Variants in RMP64 observed in about 807,000 individuals in gnomAD.
RMP64 encodes the protein ribonuclease MRP subunit p64.
At chr3:113,017,671 C>G in the RMP64 span, 2 of 1,340,252 alleles carry the variant, frequency 1.5e-6, no homozygotes, top group African/African-American at 3.0e-5. Context: ...TAAAAACACA[C>G]TAAAAAAAGC....
chr3:113,006,677 G>T, the RMP64 span, among the ~76,000 whole-genome samples: 1 of 152,100 alleles, frequency 6.6e-6, no homozygotes, highest in Non-Finnish European at 1.5e-5. Flanking sequence ...TTTAAAAGAC[G>T]GGCATGGATA....
the RMP64 span, chr3:113,014,758 G>A: frequency 4.6e-5 from 7 of 151,906 alleles, no homozygotes; most frequent in African/African-American, 1.5e-4. Flanking sequence ...AAAACGATTG[G>A]CTTTAATCAC....
the RMP64 span, chr3:113,005,207 A>C: frequency 3.3e-6 from 1 of 302,852 alleles, no homozygotes; most frequent in African/African-American, 2.1e-5. Flanking sequence ...AACGATTATT[A>C]AATTGCCTAG....
the RMP64 span, chr3:113,003,046 A>AT: frequency 1.3e-5 from 2 of 152,372 alleles, no homozygotes; most frequent in Non-Finnish European, 2.9e-5. Flanking sequence ...GTGTGTCCTA[A>AT]TGCCATCAGA....
At chr3:113,009,678 C>A in the RMP64 span, 1 of 152,218 alleles carries the variant, frequency 6.6e-6, no homozygotes, top group Non-Finnish European at 1.5e-5. Context: ...CTGGCAGTTT[C>A]TTGGCCTTTC....
chr3:113,012,750 G>A, the RMP64 span: 1 of 1,599,490 alleles, frequency 6.3e-7, no homozygotes, highest in South Asian at 1.1e-5. Context: ...CTGCTCACCA[G>A]CCCAACCATC....
chr3:113,008,283 G>T, the RMP64 span: 1 of 1,614,104 alleles, frequency 6.2e-7, no homozygotes, highest in Non-Finnish European at 8.5e-7. Flanking sequence ...ACTGCCATCT[G>T]GATTTCTTCA....
chr3:113,006,749 T>A, the RMP64 span, among the ~76,000 whole-genome samples: 1 of 152,192 alleles, frequency 6.6e-6, no homozygotes, highest in Non-Finnish European at 1.5e-5. Context: ...CATACCATTT[T>A]CTTATCTCAC....
At chr3:113,013,691 G>A in the RMP64 span, among the ~76,000 whole-genome samples, 6 of 152,082 alleles carry the variant, frequency 3.9e-5, no homozygotes, top group South Asian at 1.2e-3. Context: ...CTCAACTTGA[G>A]GTAGTTAAGC....
At chr3:113,011,267 C>G in the RMP64 span, 1 of 1,613,478 alleles carries the variant, frequency 6.2e-7, no homozygotes, top group Non-Finnish European at 8.5e-7. Context: ...TATGGCTGTC[C>G]TAAAAATTCA....
the RMP64 span, chr3:113,017,324 C>T: frequency 4.0e-6 from 3 of 758,714 alleles, no homozygotes; most frequent in Non-Finnish European, 6.3e-6. Flanking sequence ...GGCTATAGGC[C>T]TATAAAACAC....
the RMP64 span, among the ~76,000 whole-genome samples, chr3:113,019,376 T>G: frequency 6.6e-6 from 1 of 152,176 alleles, no homozygotes; most frequent in Non-Finnish European, 1.5e-5. Context: ...CCCTACAAGC[T>G]ACACCAGCAA....
the RMP64 span, chr3:113,019,477 C>G: frequency 7.2e-7 from 1 of 1,383,290 alleles, no homozygotes; most frequent in Non-Finnish European, 1.0e-6. Context: ...CGCCCACATG[C>G]GCCGGCTGGG....
the RMP64 span, chr3:113,011,385 T>A: frequency 6.3e-7 from 1 of 1,593,912 alleles, no homozygotes; most frequent in Middle Eastern, 1.7e-4. Flanking sequence ...TCAACCTTTT[T>A]AAGACACCTT....
the RMP64 span, chr3:113,008,301 G>A: frequency 5.0e-6 from 8 of 1,614,098 alleles, no homozygotes; most frequent in Non-Finnish European, 6.8e-6. Flanking sequence ...TCAGAAAGTT[G>A]TGTGAAGGAC....
chr3:113,005,301 CAGA>C, the RMP64 span: 1 of 519,900 alleles, frequency 1.9e-6, no homozygotes, highest in East Asian at 3.3e-5. Context: ...TAGGCTGTGG[CAGA>C]TTTTTCATAT....
chr3:113,008,046 G>C, the RMP64 span: 1 of 760,438 alleles, frequency 1.3e-6, no homozygotes, highest in Non-Finnish European at 2.2e-6. Context: ...TGCAGTTTGA[G>C]TACATCCCAA....
chr3:113,006,081 G>C, the RMP64 span: 1 of 1,005,942 alleles, frequency 9.9e-7, no homozygotes, highest in Non-Finnish European at 1.5e-6. Context: ...TTTACCAACT[G>C]AAAAGAAAAA....
At chr3:113,019,572 C>G in the RMP64 span, 1 of 1,613,870 alleles carries the variant, frequency 6.2e-7, no homozygotes, top group Non-Finnish European at 8.5e-7. Context: ...TGCACTGTCA[C>G]TGCGCTGCGG....
Sources: gnomAD v4.1 joint callset for allele counts (sites outside exome capture counted in the v4.1 genomes callset) on GRCh38, gnomAD v4.1.1 for gene constraint, MANE v1.5 for transcripts, NCBI Gene and HGNC (gene_info 2026-07-23, HGNC 2026-07-21) for gene names.